TEFM: variants seen among roughly 807,000 people sequenced by gnomAD.
TEFM encodes the protein transcription elongation factor, mitochondrial.
In TEFM, 14 loss-of-function variants were observed where a neutral mutation model predicts 23.0. The ratio of observed to expected loss-of-function variants is 0.61; its 90% CI spans 0.40 to 0.95. The LOEUF is 0.95. Ranked by LOEUF, TEFM falls within the 40% of genes least tolerant of loss-of-function variation. TEFM has a pLI of 0.00. For synonymous variants in TEFM, 155 were observed against 158.3 expected, an observed-to-expected ratio of 0.98 and a Z score of 0.16; for missense variants, 386 against 425.5, an observed-to-expected ratio of 0.91 and a Z score of 0.82.
At chr17:30,901,584 T>C (rs1172193677) in intron 2 of TEFM, among the ~76,000 whole-genome samples, 1 of 152,174 alleles carries the variant, frequency 6.6e-6, no homozygotes, top group Non-Finnish European at 1.5e-5. Context: ...TCTGGAAAGA[T>C]AGGCTGTTTG....
intron 2 of TEFM, among the ~76,000 whole-genome samples, 185 bp from the exon 3 acceptor site, chr17:30,900,747 G>A (rs11652078): frequency 0.11 from 16,018 of 150,760 alleles, 965 homozygotes; most frequent in South Asian, 0.24. Flanking sequence ...GACTACAGGC[G>A]CCCGCCACCA....
chr17:30,899,825 G>C (rs921616537), intron 3 of TEFM: 3 of 376,572 alleles, frequency 8.0e-6, no homozygotes, highest in African/African-American at 6.2e-5. Flanking sequence ...GTCCTCCTAA[G>C]TACCAGTTTC....
At chr17:30,901,960 A>C (rs1475382556) in intron 2 of TEFM, among the ~76,000 whole-genome samples, 1 of 151,350 alleles carries the variant, frequency 6.6e-6, no homozygotes, top group East Asian at 1.9e-4. Flanking sequence ...TGGCATCATT[A>C]ATGATGACGA....
At chr17:30,905,594 A>G (rs184869603) in intron 1 of TEFM, among the ~76,000 whole-genome samples, 1 of 152,274 alleles carries the variant, frequency 6.6e-6, no homozygotes, top group Admixed American at 6.5e-5. Context: ...GGAACTAAAT[A>G]AAATTAAATT....
chr17:30,903,916 T>C (rs1910101707), intron 2 of TEFM, 150 bp downstream of exon 2: 7 of 644,418 alleles, frequency 1.1e-5, no homozygotes, highest in Non-Finnish European at 1.8e-5. Flanking sequence ...ATTTACTATC[T>C]GTACATCTCA....
Position 30,899,134 on chromosome 17 carries a change from T to A in TEFM, c.*35A>T. 1 of 1,496,860 alleles carries A rather than the reference T, an allele frequency of 6.7e-7. No homozygotes were observed. The highest frequency in any genetic ancestry group is 1.3e-5 in the South Asian group (1 of 75,324). The allele number at this position is 1,496,860 out of a possible 1,614,324, so 92.7% of individuals were successfully genotyped here. ...ACAACAGTTGGTGTTACGTTAGAGCTAATAATTATACTTTAGCACGTTAAC... is the reference window on the plus strand; with the variant it reads ...ACAACAGTTGGTGTTACGTTAGAGCAAATAATTATACTTTAGCACGTTAAC... On this transcript the variant is annotated 3_prime_UTR_variant, in exon 4 of 4. Coordinates refer to ENST00000581216, the MANE Select transcript of TEFM (RefSeq NM_024683.4).
At chr17:30,900,375 C>T in intron 3 of TEFM, 38 bp downstream of exon 3, 1 of 1,603,906 alleles carries the variant, frequency 6.2e-7, no homozygotes, top group South Asian at 1.1e-5. Context: ...ACACAAGGAG[C>T]TCTAGCAGGT....
rs535410833 is a variant in TEFM, at chr17:30,905,307, G to A, written c.32-778C>T. Among the ~76,000 whole-genome samples the A allele has an allele frequency of 4.7e-4, 72 of 152,206 alleles. 1 individual carries two copies. Among genetic ancestry groups the A allele is most frequent in the African/African-American group, 1.5e-3 (61 of 41,540 alleles). On this transcript the variant is annotated intron_variant, in intron 1 of 3. Transcript: ENST00000581216. ...AGGCCGAGGTGGGCGGATCACCTGA[G>A]GTCGGGAGTTCGAGACCAGCCTGAC...
chr17:30,905,343 A>T (rs1192472663), intron 1 of TEFM, among the ~76,000 whole-genome samples: 2 of 151,992 alleles, frequency 1.3e-5, no homozygotes, highest in African/African-American at 2.4e-5. Flanking sequence ...CAACATGGAG[A>T]AACCCTGTCT....
In TEFM at chr17:30,900,466, C is replaced by T; in HGVS notation, c.592G>A (p.Asp198Asn). 2.5e-6 allele frequency: 4 copies of T among 1,614,202 alleles called. No individual in the cohort carries two copies. Among genetic ancestry groups the T allele is most frequent in the Non-Finnish European group, 3.4e-6 (4 of 1,180,038 alleles). Reference sequence around the variant, plus strand: ...ATTCCTCTCATTAAACTCCAACGGTCACTTTGCTGCCAGTCCAGCACTGTC... The same window carrying T: ...ATTCCTCTCATTAAACTCCAACGGTTACTTTGCTGCCAGTCCAGCACTGTC... Reference protein sequence around the residue: ...KLTVLDWQQSDRWSLMRGIYS... With the variant: ...KLTVLDWQQSNRWSLMRGIYS... The change falls in exon 3 of 4, where the codon GAC becomes AAC. Residue 198 changes from aspartate (D) to asparagine (N), a missense_variant. Transcript: ENST00000581216.
At position 30,904,245 on chromosome 17, in the gene TEFM, A is replaced by G; in HGVS notation, c.316T>C (p.Phe106Leu). The G allele has an allele frequency of 6.2e-7, 1 of 1,614,182 alleles. No homozygotes were observed. Among genetic ancestry groups the G allele is most frequent in the Non-Finnish European group, 8.5e-7 (1 of 1,180,038 alleles). ...CTCTCTAAATTCTGAAATGGCCCAA[A>G]GTTTTCTCTGTGCTCTACGATATTG... ...SINIVEHREN[F>L]GPFQNLESLM... The change falls in exon 2 of 4, where the codon TTT (phenylalanine) becomes CTT (leucine). Residue 106 changes from phenylalanine (F) to leucine (L), a missense_variant. Coordinates refer to ENST00000581216, the MANE Select transcript of TEFM (RefSeq NM_024683.4).
Position 30,899,576 on chromosome 17 carries a change from CT to C in TEFM, c.675del (p.Ala226GlnfsTer36), listed in dbSNP as rs767555337. On this transcript the variant is annotated frameshift_variant, in exon 4 of 4. Transcript: ENST00000581216. LOFTEE classifies it high-confidence loss of function. Reference protein sequence around the residue: ...EISSIISKMPKADFYVLEKTG... With the variant: ...EISSIISKMPXADFYVLEKTG... Reference sequence around the variant, plus strand: ...GTTTTTTCCAGAACATAGAAATCTGCTTTAGGCATCTTTGAAATGATCGAGG... The same window carrying C: ...GTTTTTTCCAGAACATAGAAATCTGCTTAGGCATCTTTGAAATGATCGAGG... 6.4e-7 allele frequency: 1 copy of C among 1,555,828 alleles called. No individual in the cohort carries two copies. The highest frequency in any genetic ancestry group is 8.7e-7 in the Non-Finnish European group (1 of 1,150,030).
rs1909984616 is a variant in TEFM at position 30,899,238 on chromosome 17, T to C, written c.1014A>G (p.Glu338=). The part of the protein sequence containing the change: ...MFLSTELQRV[E]ELYDSLLQAI... The stretch of plus-strand genomic sequence containing the variant: ...CTTGTAATAATGAATCATAAAGCTC[T>C]TCTACTCTTTGTAGTTCAGTAGATA... The change falls in exon 4 of 4, where the codon GAA becomes GAG. Residue 338 remains glutamate (E), a synonymous_variant. Transcript: ENST00000581216. 1 of 1,613,996 alleles carries C rather than the reference T, an allele frequency of 6.2e-7. No homozygotes were observed. The highest frequency in any genetic ancestry group is 1.3e-5 in the African/African-American group (1 of 74,938).
intron 2 of TEFM, among the ~76,000 whole-genome samples, chr17:30,901,468 A>T (rs1441257336): frequency 6.6e-6 from 1 of 152,240 alleles, no homozygotes; most frequent in Non-Finnish European, 1.5e-5. Context: ...ACTGTACATT[A>T]TAAGAAATGC....
At chr17:30,900,628 G>C in intron 2 of TEFM, 66 bp from the exon 3 acceptor site, 1 of 1,406,828 alleles carries the variant, frequency 7.1e-7, no homozygotes, top group Non-Finnish European at 9.7e-7. Flanking sequence ...TTGAGACGGA[G>C]TCTCGCTCTG....
chr17:30,900,325 C>T, intron 3 of TEFM, 88 bp downstream of exon 3: 1 of 1,284,938 alleles, frequency 7.8e-7, no homozygotes, highest in South Asian at 1.5e-5. Flanking sequence ...CCCATCTTTA[C>T]TATTTTATTA....
chr17:30,899,375 G>A lies in TEFM; in HGVS notation c.877C>T (p.Arg293Trp), dbSNP rs375879151. The A allele has an allele frequency of 2.5e-5, 40 of 1,614,004 alleles. No individual in the cohort carries two copies. Among genetic ancestry groups the A allele is most frequent in the Non-Finnish European group, 3.0e-5 (35 of 1,180,006 alleles). ...TTCACTAGCTCTTTTCCACTAGTCC[G>A]GGAGTCACCAATCATCAGTTCAAAA... ...KHFELMIGDS[R>W]TSGKELVKQF... The change falls in exon 4 of 4, where the codon CGG becomes TGG. Residue 293 changes from arginine to tryptophan, a missense_variant. Arg to Trp is a moderately radical substitution (Grantham distance 101). Coordinates refer to ENST00000581216, the MANE Select transcript of TEFM (RefSeq NM_024683.4).
In TEFM at chr17:30,904,221, T is replaced by C. The variant is rs1910115637; in HGVS notation, c.340A>G (p.Ser114Gly). 7 of 1,614,106 alleles carry C rather than the reference T, an allele frequency of 4.3e-6. No individual in the cohort carries two copies. Among genetic ancestry groups the C allele is most frequent in the Non-Finnish European group, 5.1e-6 (6 of 1,180,008 alleles). The change falls in exon 2 of 4, where the codon AGT becomes GGT. Residue 114 changes from serine (S) to glycine (G), a missense_variant. Coordinates refer to ENST00000581216, the MANE Select transcript of TEFM (RefSeq NM_024683.4). Reference protein sequence around the residue: ...ENFGPFQNLESLMNVPLFKYK... With the variant: ...ENFGPFQNLEGLMNVPLFKYK... ...TTAAACAAGGGCACATTCATTAAAC[T>C]CTCTAAATTCTGAAATGGCCCAAAG...
intron 3 of TEFM, chr17:30,899,945 C>T (rs1449360809): frequency 3.3e-5 from 8 of 241,548 alleles, no homozygotes; most frequent in African/African-American, 1.3e-4. Flanking sequence ...ATAGAGCATA[C>T]GGTTAGAATA....
Sources: gnomAD v4.1 joint callset for allele counts (sites outside exome capture counted in the v4.1 genomes callset) on GRCh38, gnomAD v4.1.1 for gene constraint, MANE v1.5 for transcripts, NCBI Gene and HGNC (gene_info 2026-07-23, HGNC 2026-07-21) for gene names.